ATXN10: variants seen among roughly 807,000 people sequenced by gnomAD.
ATXN10 encodes ataxin-10.
ATXN10 carries 28 observed loss-of-function variants against 52.9 expected under a neutral mutation model. That is an observed-to-expected ratio of 0.53 (90% confidence interval 0.39 to 0.73). The LOEUF (loss-of-function observed/expected upper bound fraction) is 0.73, where lower values mean the gene tolerates loss of function less well. ATXN10 is among the 30% of genes least tolerant of loss of function. The pLI, the probability that ATXN10 is intolerant of heterozygous loss-of-function variation, is 0.00. For synonymous variants in ATXN10, 226 were observed against 221.5 expected (o/e 1.02, Z -0.18); for missense variants, 565 against 577.0 (o/e 0.98, Z 0.21).
intron 3 of ATXN10, among the ~76,000 whole-genome samples, chr22:45,697,954 A>T (rs899012395): frequency 3.3e-5 from 5 of 152,154 alleles, no homozygotes; most frequent in Non-Finnish European, 5.9e-5. Context: ...TTTAAGGTTC[A>T]TCCACCTTGT....
Position 45,715,669 on chromosome 22 carries a change from G to A in ATXN10, c.648-2744G>A, listed in dbSNP as rs1394861549. Among the ~76,000 whole-genome samples the A allele has an allele frequency of 6.6e-6, 1 of 152,144 alleles. No individual in the cohort carries two copies. Among genetic ancestry groups the A allele is most frequent in the Admixed American group, 6.5e-5 (1 of 15,274 alleles). ...TACAGATGATCTTGGTAGTACTGTCGTAGGTAGCCACCTTCACCTGAGTGA... is the reference window on the plus strand; with the variant it reads ...TACAGATGATCTTGGTAGTACTGTCATAGGTAGCCACCTTCACCTGAGTGA... On this transcript the variant is annotated intron_variant, in intron 5 of 11. Transcript: ENST00000252934. The surrounding 1 kb of genome is among the most constrained non-coding windows in gnomAD (Gnocchi z 4.4).
intron 9 of ATXN10, among the ~76,000 whole-genome samples, chr22:45,777,395 G>A (rs1926997835): frequency 6.6e-6 from 1 of 152,122 alleles, no homozygotes; most frequent in South Asian, 2.1e-4. Flanking sequence ...TGTTTTACCA[G>A]GTATGTGTTT....
intron 10 of ATXN10, among the ~76,000 whole-genome samples, chr22:45,830,139 A>G (rs1928941902): frequency 6.6e-6 from 1 of 152,226 alleles, no homozygotes; most frequent in African/African-American, 2.4e-5. Context: ...TTTTCAATAG[A>G]TGGTGCTAAG....
intron 9 of ATXN10, chr22:45,760,516 C>T (rs1190980263): frequency 6.5e-6 from 1 of 153,896 alleles, no homozygotes; most frequent in Non-Finnish European, 1.5e-5. Context: ...AGTCATATCC[C>T]ATTATTTCTG....
chr22:45,729,142 A>G (rs1389409476), intron 6 of ATXN10, among the ~76,000 whole-genome samples: 16 of 152,220 alleles, frequency 1.1e-4, no homozygotes, highest in Admixed American at 1.0e-3. Flanking sequence ...AAAACTGAGC[A>G]TGTCTAAAAT....
Position 45,845,141 on chromosome 22 carries a change from G to GAGA in ATXN10, c.*1472_*1474dup, listed in dbSNP as rs1000000725. 21 of 152,222 alleles carry GAGA rather than the reference G, an allele frequency of 1.4e-4. No homozygotes were observed. The highest frequency in any genetic ancestry group is 4.6e-4 in the Admixed American group (7 of 15,288). The allele number at this position is 152,222 out of a possible 1,614,324, so 9.4% of individuals were successfully genotyped here. Reference sequence around the variant, plus strand: ...CTCTAAATAGAAGCCTGGCCAAAGGGAGAAAACAGTGGGAGTCCCTTTTCC... The same window carrying GAGA: ...CTCTAAATAGAAGCCTGGCCAAAGGGAGAAGAAAACAGTGGGAGTCCCTTTTCC... On this transcript the variant is annotated 3_prime_UTR_variant, in exon 12 of 12. Transcript: ENST00000252934. The surrounding 1 kb of genome is among the most constrained non-coding windows in gnomAD (Gnocchi z 4.7).
At position 45,750,954 on chromosome 22, in the gene ATXN10, A is replaced by G. The variant is rs1925924552; in HGVS notation, c.1173+10416A>G. 6.7e-6 allele frequency among the ~76,000 whole-genome samples: 1 copy of G among 148,904 alleles called. No homozygotes were observed. The highest frequency in any genetic ancestry group is 2.1e-4 in the South Asian group (1 of 4,794). On this transcript the variant is annotated intron_variant, in intron 9 of 11. Coordinates refer to ENST00000252934, the MANE Select transcript of ATXN10 (RefSeq NM_013236.4). This position sits in a 1 kb window ranked among gnomAD's most constrained non-coding sequence, Gnocchi z 4.2. ...CTACTTTCCTGTTTTTTTTTGAGAC[A>G]GAGTCTTGCTTTGTTGCCCAGGCTG... is the stretch of plus-strand genomic sequence containing the variant.
At position 45,842,482 on chromosome 22, in the gene ATXN10, A is replaced by T. The variant is rs1160538836; in HGVS notation, c.1238-509A>T. 1.3e-5 allele frequency among the ~76,000 whole-genome samples: 2 copies of T among 152,216 alleles called. No homozygotes were observed. Among genetic ancestry groups the T allele is most frequent in the African/African-American group, 2.4e-5 (1 of 41,448 alleles). On this transcript the variant is annotated intron_variant, in intron 10 of 11. Transcript: ENST00000252934. The surrounding 1 kb of genome is among the most constrained non-coding windows in gnomAD (Gnocchi z 4.8). ...GGAAATTCCACAGTGACTCCTAGGA[A>T]ACAATTCTTATTTCTAACTGGGCTC...
At chr22:45,748,437 A>G (rs1925821032) in intron 9 of ATXN10, among the ~76,000 whole-genome samples, 1 of 152,240 alleles carries the variant, frequency 6.6e-6, no homozygotes, top group African/African-American at 2.4e-5. Context: ...GGAGGAAGTA[A>G]AATGAAAACA....
chr22:45,716,367 C>T (rs577933879), intron 5 of ATXN10, among the ~76,000 whole-genome samples: 185 of 149,554 alleles, frequency 1.2e-3, no homozygotes, highest in Middle Eastern at 3.4e-3. Context: ...TGCTCTGTCG[C>T]CCATGCTGGA....
At chr22:45,721,232 C>T (rs1368087590) in intron 6 of ATXN10, among the ~76,000 whole-genome samples, 4 of 152,068 alleles carry the variant, frequency 2.6e-5, no homozygotes, top group Non-Finnish European at 5.9e-5. Flanking sequence ...GTCTCCTTTC[C>T]AGGTGAATTG....
At chr22:45,709,613 C>G (rs1924168189) in intron 5 of ATXN10, among the ~76,000 whole-genome samples, 1 of 152,190 alleles carries the variant, frequency 6.6e-6, no homozygotes, top group Admixed American at 6.5e-5. Context: ...CCACTCTTCT[C>G]CATTATTGCT....
rs1430020281 is a variant in ATXN10 at position 45,819,194 on chromosome 22, A to AT, written c.1237+12173dup. Among the ~76,000 whole-genome samples the AT allele has an allele frequency of 8.4e-5, 1 of 11,838 alleles. No individual in the cohort carries two copies. The highest frequency in any genetic ancestry group is 2.6e-3 in the East Asian group (1 of 388). 7.8% of individuals were successfully genotyped at this position (11,838 alleles called of 152,430 possible). A position where few individuals can be genotyped will look rare whatever the true frequency, so the allele number is the denominator to read the frequency against. Reference sequence around the variant, plus strand: ...TGTAGTATGAAGAATAGAATAGAAAATAGAATAGAATAGAATAGAATAGAA... The same window carrying AT: ...TGTAGTATGAAGAATAGAATAGAAAATTAGAATAGAATAGAATAGAATAGAA... On this transcript the variant is annotated intron_variant, in intron 10 of 11. Transcript: ENST00000252934. This position sits in a 1 kb window ranked among gnomAD's most constrained non-coding sequence, Gnocchi z 4.5.
intron 10 of ATXN10, among the ~76,000 whole-genome samples, chr22:45,821,123 G>A (rs1928632103): frequency 6.6e-6 from 1 of 152,150 alleles, no homozygotes; most frequent in Non-Finnish European, 1.5e-5. Context: ...GGAAAAGCCT[G>A]TAGAAAAGTC....
chr22:45,776,497 C>A (rs1926960534), intron 9 of ATXN10, among the ~76,000 whole-genome samples: 1 of 151,536 alleles, frequency 6.6e-6, no homozygotes, highest in Non-Finnish European at 1.5e-5. Context: ...ATTTGCACTC[C>A]CTGATACCTT....
At chr22:45,741,521 G>C (rs1277685861) in intron 9 of ATXN10, among the ~76,000 whole-genome samples, 1 of 152,140 alleles carries the variant, frequency 6.6e-6, no homozygotes, top group Admixed American at 6.5e-5. Context: ...GAAAGGTCTG[G>C]TGAAGGAACA....
chr22:45,788,014 A>G (rs1031877216), intron 9 of ATXN10, among the ~76,000 whole-genome samples: 3 of 152,220 alleles, frequency 2.0e-5, no homozygotes, highest in African/African-American at 7.2e-5. Context: ...AGGTTATACA[A>G]GGAGCACCAG....
chr22:45,799,280 T>G (rs1927855079), intron 9 of ATXN10, among the ~76,000 whole-genome samples: 1 of 152,154 alleles, frequency 6.6e-6, no homozygotes, highest in East Asian at 1.9e-4. Context: ...TTTTAAAATT[T>G]GAAAATGCAA....
At chr22:45,692,745 A>G (rs897951417) in intron 2 of ATXN10, among the ~76,000 whole-genome samples, 11 of 152,230 alleles carry the variant, frequency 7.2e-5, no homozygotes, top group African/African-American at 2.7e-4. Flanking sequence ...ACAATAAAGC[A>G]AAGAATCTGA....
Sources: gnomAD v4.1 joint callset for allele counts (sites outside exome capture counted in the v4.1 genomes callset) on GRCh38, gnomAD v4.1.1 for gene constraint, Gnocchi (gnomAD v3.1) non-coding constraint, MANE v1.5 for transcripts, NCBI Gene and HGNC (gene_info 2026-07-23, HGNC 2026-07-21) for gene names.